Variants in MBTD1 observed in about 807,000 individuals in gnomAD.
MBTD1 encodes MBT domain-containing protein 1.
A neutral mutation model predicts 87.8 loss-of-function variants in MBTD1; 24 were observed. The ratio of observed to expected loss-of-function variants is 0.27; its 90% CI spans 0.20 to 0.38. The LOEUF (loss-of-function observed/expected upper bound fraction) is 0.38, where lower values mean the gene tolerates loss of function less well. MBTD1 is among the 10% of genes least tolerant of loss of function. The pLI is 1.00. For synonymous variants in MBTD1, 237 were observed against 248.6 expected (o/e 0.95, Z 0.44); for missense variants, 436 against 760.2 (o/e 0.57, Z 5.02).
intron 6 of MBTD1, among the ~76,000 whole-genome samples, chr17:51,210,291 T>G (rs946098902): frequency 1.3e-5 from 2 of 152,104 alleles, no homozygotes; most frequent in African/African-American, 4.8e-5. Context: ...GTGCCTGTCC[T>G]CTACTCATCT....
chr17:51,247,741 C>T (rs1288562840), intron 2 of MBTD1, among the ~76,000 whole-genome samples: 1 of 152,192 alleles, frequency 6.6e-6, no homozygotes, highest in African/African-American at 2.4e-5. Flanking sequence ...TGAGCCACTG[C>T]ACACAGTCCA....
chr17:51,186,188 A>C (rs1042584143), intron 16 of MBTD1: 3 of 152,668 alleles, frequency 2.0e-5, no homozygotes, highest in Non-Finnish European at 4.4e-5. Flanking sequence ...ACAAACTGAC[A>C]GGCTTCTTCC....
intron 6 of MBTD1, among the ~76,000 whole-genome samples, chr17:51,208,213 G>GT (rs1448513340): frequency 1.3e-5 from 2 of 152,196 alleles, no homozygotes; most frequent in East Asian, 3.8e-4. Flanking sequence ...GTCAAATACT[G>GT]AAGTTGGATA....
chr17:51,260,801 C>T (rs1318441942), upstream of MBTD1: 5 of 1,582,788 alleles, frequency 3.2e-6, no homozygotes, highest in South Asian at 2.3e-5. Flanking sequence ...GAGACGGCTC[C>T]GGCAGCGGAA....
intron 2 of MBTD1, among the ~76,000 whole-genome samples, chr17:51,230,494 G>A (rs1347587636): frequency 6.6e-6 from 1 of 152,166 alleles, no homozygotes; most frequent in African/African-American, 2.4e-5. Context: ...CTACTGGTAG[G>A]AGGAAACCAA....
intron 16 of MBTD1, 36 bp downstream of exon 16, chr17:51,192,167 T>G (rs1462639734): frequency 1.4e-6 from 2 of 1,396,568 alleles, no homozygotes; most frequent in Non-Finnish European, 2.0e-6. Flanking sequence ...TAGTTAACAA[T>G]TAGAAAATGT....
intron 2 of MBTD1, among the ~76,000 whole-genome samples, chr17:51,227,367 C>T (rs1299387638): frequency 2.0e-5 from 3 of 151,832 alleles, no homozygotes. Flanking sequence ...TCAAGACTAG[C>T]CTGGGCAATA....
intron 12 of MBTD1, among the ~76,000 whole-genome samples, chr17:51,196,678 G>A (rs1377177842): frequency 6.7e-6 from 1 of 150,340 alleles, no homozygotes; most frequent in Non-Finnish European, 1.5e-5. Context: ...GACACCTGAG[G>A]TCAGGAGTTT....
At chr17:51,235,332 T>A (rs114445743) in intron 2 of MBTD1, among the ~76,000 whole-genome samples, 14,903 of 151,948 alleles carry the variant, frequency 0.098, 1,112 homozygotes, top group African/African-American at 0.2. Flanking sequence ...GATGGGGGGT[T>A]ACACCATGTT....
At chr17:51,253,999 C>T (rs936512214) in intron 2 of MBTD1, among the ~76,000 whole-genome samples, 1 of 152,160 alleles carries the variant, frequency 6.6e-6, no homozygotes, top group African/African-American at 2.4e-5. Flanking sequence ...AGTAAACTCA[C>T]CAGATATGAA....
In MBTD1 at chr17:51,203,160, G is replaced by T; in HGVS notation, c.808C>A (p.Pro270Thr). The T allele has an allele frequency of 6.3e-7, 1 of 1,596,358 alleles. No individual in the cohort carries two copies. The highest frequency in any genetic ancestry group is 1.2e-5 in the South Asian group (1 of 86,700). The change falls in exon 9 of 17, where the codon CCT (proline) becomes ACT (threonine). Residue 270 changes from proline to threonine, a missense_variant. Physicochemically the swap from Pro to Thr is conservative, Grantham distance 38. This residue lies in a region of MBTD1 where 268 missense variants were observed against 401.8 expected (regional missense o/e 0.67). Transcript: ENST00000586178. ...VKRLTGAKTL[P>T]PDFSQKVSES... Reference sequence around the variant, plus strand: ...TTTACCTTTTGGGAGAAATCAGGAGGCAGTGTTTTGGCACCAGTAAGTCGT... The same window carrying T: ...TTTACCTTTTGGGAGAAATCAGGAGTCAGTGTTTTGGCACCAGTAAGTCGT...
intron 2 of MBTD1, among the ~76,000 whole-genome samples, chr17:51,257,624 A>G (rs1344036102): frequency 1.3e-5 from 2 of 152,240 alleles, no homozygotes; most frequent in Admixed American, 6.5e-5. Flanking sequence ...AAATAAAACC[A>G]GTTGTTCCTG....
intron 2 of MBTD1, among the ~76,000 whole-genome samples, chr17:51,229,901 C>T (rs1001450226): frequency 6.6e-6 from 1 of 152,026 alleles, no homozygotes; most frequent in Non-Finnish European, 1.5e-5. Flanking sequence ...ACCTCATGAT[C>T]CCCGTCTCGG....
At chr17:51,219,876 A>G (rs563519223) in intron 4 of MBTD1, among the ~76,000 whole-genome samples, 96 of 152,342 alleles carry the variant, frequency 6.3e-4, no homozygotes, top group Non-Finnish European at 1.3e-3. Context: ...GGTTAGTTGG[A>G]TTAACCAAAT....
chr17:51,260,421 G>T (rs1598467082), upstream of MBTD1: 4 of 747,328 alleles, frequency 5.4e-6, no homozygotes, highest in East Asian at 1.2e-4. Context: ...GGCTGGGTAG[G>T]GGAGCGGGAG....
chr17:51,187,982 A>G (rs933391766), intron 16 of MBTD1, among the ~76,000 whole-genome samples: 9 of 152,240 alleles, frequency 5.9e-5, no homozygotes, highest in Non-Finnish European at 1.3e-4. Context: ...TCACAAAATC[A>G]AAACTAAAAG....
intron 2 of MBTD1, among the ~76,000 whole-genome samples, chr17:51,257,496 A>T (rs983932335): frequency 2.0e-5 from 3 of 152,220 alleles, no homozygotes; most frequent in African/African-American, 7.2e-5. Context: ...AACAATTTAA[A>T]ATGTTGTTTT....
intron 6 of MBTD1, among the ~76,000 whole-genome samples, chr17:51,208,211 C>T (rs1309792680): frequency 6.6e-6 from 1 of 152,190 alleles, no homozygotes; most frequent in Non-Finnish European, 1.5e-5. Flanking sequence ...ATGTCAAATA[C>T]TGAAGTTGGA....
At chr17:51,229,243 C>T (rs901571217) in intron 2 of MBTD1, among the ~76,000 whole-genome samples, 7 of 152,068 alleles carry the variant, frequency 4.6e-5, no homozygotes, top group Non-Finnish European at 8.8e-5. Flanking sequence ...AAACTATCAA[C>T]TCAAGAATCT....
Sources: allele counts gnomAD v4.1 joint callset (sites outside exome capture counted in the v4.1 genomes callset), GRCh38; gene constraint gnomAD v4.1.1; regional missense constraint gnomAD v4.1.1; transcripts MANE v1.5; gene names NCBI Gene and HGNC (gene_info 2026-07-23, HGNC 2026-07-21).